The following THTPA variants were observed in gnomAD, a reference collection of about 807,000 sequenced individuals.
THTPA encodes the protein thiamine triphosphatase, also known as thiamine-triphosphatase.
Under a neutral mutation model 16.5 loss-of-function variants are expected in THTPA, and 16 were observed. The ratio of observed to expected loss-of-function variants is 0.97; its 90% CI spans 0.66 to 1.47. The LOEUF (loss-of-function observed/expected upper bound fraction) is 1.47. Ranked by LOEUF, THTPA falls within the 40% of genes most tolerant of loss-of-function variation. THTPA has a pLI of 0.00. For missense variants in THTPA, 281 were observed against 280.9 expected (o/e 1.00, Z 0.00); for synonymous variants, 110 against 115.5 (o/e 0.95, Z 0.30).
the THTPA span, among the ~76,000 whole-genome samples, chr14:23,550,867 C>T: frequency 1.3e-5 from 2 of 152,214 alleles, no homozygotes; most frequent in East Asian, 3.9e-4. Flanking sequence ...ATCAGCCCGC[C>T]GGCCGCGGTT....
chr14:23,559,186 T>G lies in THTPA; in HGVS notation c.*346T>G, dbSNP rs1265645787. On this transcript the variant is annotated 3_prime_UTR_variant, in exon 2 of 2. Coordinates refer to ENST00000288014, the MANE Select transcript of THTPA (RefSeq NM_024328.6). ...CTCCCTTGGTCGATGCCATTGATTC[T>G]GCCAGCGGCTCCTAAACCGCCTTAC... The G allele has an allele frequency of 3.9e-6, 1 of 258,940 alleles. No individual in the cohort carries two copies. Among genetic ancestry groups the G allele is most frequent in the African/African-American group, 2.2e-5 (1 of 44,610 alleles). The allele number at this position is 258,940 out of a possible 1,614,324, so 16.0% of individuals were successfully genotyped here. A position where few individuals can be genotyped will look rare whatever the true frequency, so the allele number is the denominator to read the frequency against.
At chr14:23,520,458 A>G in the THTPA span, among the ~76,000 whole-genome samples, 2 of 152,168 alleles carry the variant, frequency 1.3e-5, no homozygotes, top group African/African-American at 4.8e-5. The surrounding 1 kb of genome is among the most constrained non-coding windows in gnomAD (Gnocchi z 8.7). Context: ...AGGAGATGAA[A>G]GAGAAGCAGA....
the THTPA span, chr14:23,530,947 T>C: frequency 5.8e-6 from 1 of 173,028 alleles, no homozygotes; most frequent in Non-Finnish European, 1.2e-5. Flanking sequence ...TGGCTGGCTG[T>C]TCCCGGCCTC....
At chr14:23,517,687 G>GGT in the THTPA span, among the ~76,000 whole-genome samples, 9 of 152,160 alleles carry the variant, frequency 5.9e-5, no homozygotes, top group Admixed American at 4.6e-4. Context: ...CTCCCCATCG[G>GGT]GTGTGTGTGT....
At chr14:23,535,134 G>T in the THTPA span, 8 of 1,536,020 alleles carry the variant, frequency 5.2e-6, no homozygotes, top group Non-Finnish European at 7.0e-6. This position sits in a 1 kb window ranked among gnomAD's most constrained non-coding sequence, Gnocchi z 4.5. Flanking sequence ...CGAGGCCACA[G>T]CCCGACTCCA....
At chr14:23,526,893 G>A in the THTPA span, 9 of 1,534,128 alleles carry the variant, frequency 5.9e-6, no homozygotes, top group African/African-American at 1.1e-4. Flanking sequence ...CATGAGTGGG[G>A]GGTTCTTGGC....
rs558649189 is a variant in THTPA, at chr14:23,559,591, T to C, written c.*751T>C. On this transcript the variant is annotated 3_prime_UTR_variant, in exon 2 of 2. Coordinates refer to ENST00000288014, the MANE Select transcript of THTPA (RefSeq NM_024328.6). ...ATGGCTTTCCTCACTTCTCAGGCTT[T>C]ATTGGGCTTTATTTGTGGGAGAAGG... 1.5e-6 allele frequency: 1 copy of C among 645,482 alleles called. No homozygotes were observed. The highest frequency in any genetic ancestry group is 2.8e-5 in the East Asian group (1 of 36,182). The allele number at this position is 645,482 out of a possible 1,614,324, so 40.0% of individuals were successfully genotyped here. A position where few individuals can be genotyped will look rare whatever the true frequency, so the allele number is the denominator to read the frequency against.
At chr14:23,524,736 G>C in the THTPA span, 8 of 1,536,232 alleles carry the variant, frequency 5.2e-6, no homozygotes, top group African/African-American at 1.1e-4. This position sits in a 1 kb window ranked among gnomAD's most constrained non-coding sequence, Gnocchi z 5.6. Flanking sequence ...GGAGGCTCTG[G>C]TAATGGGCCC....
the THTPA span, chr14:23,521,177 G>A: frequency 1.3e-5 from 2 of 152,502 alleles, no homozygotes; most frequent in Non-Finnish European, 1.5e-5. Context: ...GCAAGGTAGG[G>A]ATTGGCAGAG....
At chr14:23,532,245 C>A in the THTPA span, 1 of 251,410 alleles carries the variant, frequency 4.0e-6, no homozygotes. Flanking sequence ...GACTCCCTCC[C>A]AGCATGCAAA....
At chr14:23,521,844 C>T in the THTPA span, 5 of 1,476,212 alleles carry the variant, frequency 3.4e-6, no homozygotes, top group Non-Finnish European at 4.5e-6. Context: ...CTGAACAGTT[C>T]CTGTGAGGTG....
chr14:23,556,646 A>G lies in THTPA; in HGVS notation c.-112A>G, dbSNP rs1000577393. 6 of 1,154,892 alleles carry G rather than the reference A, an allele frequency of 5.2e-6. No individual in the cohort carries two copies. Among genetic ancestry groups the G allele is most frequent in the East Asian group, 2.6e-5 (1 of 39,006 alleles). The allele number at this position is 1,154,892 out of a possible 1,614,324, so 71.5% of individuals were successfully genotyped here. On this transcript the variant is annotated 5_prime_UTR_variant, in exon 1 of 2. Coordinates refer to ENST00000288014, the MANE Select transcript of THTPA (RefSeq NM_024328.6). ...ACTATTGCGACACAGTGTGCCCCTC[A>G]TAAGTTTTTCCAGGGAGGGGTTCTG...
the THTPA span, chr14:23,534,350 G>C: frequency 2.8e-5 from 43 of 1,536,588 alleles, no homozygotes; most frequent in Non-Finnish European, 3.6e-5. The surrounding 1 kb of genome is among the most constrained non-coding windows in gnomAD (Gnocchi z 4.5). Flanking sequence ...TCTGCCTCAG[G>C]GGGGCCATCC....
At chr14:23,525,369 T>C in the THTPA span, 1 of 1,536,052 alleles carries the variant, frequency 6.5e-7, no homozygotes, top group Non-Finnish European at 8.7e-7. The surrounding 1 kb of genome is among the most constrained non-coding windows in gnomAD (Gnocchi z 5.9). Context: ...GGGTATAGGC[T>C]GTCATAGCTC....
At position 23,560,255 on chromosome 14, in the gene THTPA, C is replaced by T. The variant is rs1411051575; in HGVS notation, c.*1415C>T. On this transcript the variant is annotated 3_prime_UTR_variant, in exon 2 of 2. Coordinates refer to ENST00000288014, the MANE Select transcript of THTPA (RefSeq NM_024328.6). ...CCTCTGAACTCTGATCTTTACAAAC[C>T]TTGGGCACAGCAGCCTGGCAGATGA... The T allele has an allele frequency of 1.2e-6, 2 of 1,613,176 alleles. No individual in the cohort carries two copies. Among genetic ancestry groups the T allele is most frequent in the Non-Finnish European group, 1.7e-6 (2 of 1,179,978 alleles).
chr14:23,555,455 T>G (rs1882285701), upstream of THTPA, among the ~76,000 whole-genome samples: 1 of 152,228 alleles, frequency 6.6e-6, no homozygotes, highest in South Asian at 2.1e-4. Flanking sequence ...CCAGGTGCTC[T>G]CCAGTTTCTG....
At chr14:23,520,086 T>C in the THTPA span, among the ~76,000 whole-genome samples, 1 of 152,180 alleles carries the variant, frequency 6.6e-6, no homozygotes, top group Admixed American at 6.5e-5. This position sits in a 1 kb window ranked among gnomAD's most constrained non-coding sequence, Gnocchi z 8.7. Flanking sequence ...ACAGAAACCA[T>C]TTGCCTAGGG....
At chr14:23,545,467 T>G in the THTPA span, among the ~76,000 whole-genome samples, 3 of 152,340 alleles carry the variant, frequency 2.0e-5, no homozygotes, top group African/African-American at 7.2e-5. Context: ...CATCTCTCTG[T>G]GCTCTCTCCC....
the THTPA span, among the ~76,000 whole-genome samples, chr14:23,520,152 A>C: frequency 5.3e-5 from 8 of 152,116 alleles, no homozygotes; most frequent in Non-Finnish European, 1.0e-4. The surrounding 1 kb of genome is among the most constrained non-coding windows in gnomAD (Gnocchi z 8.7). Flanking sequence ...ACCCTATCAA[A>C]GATTGACCTG....
Sources: allele counts gnomAD v4.1 joint callset (sites outside exome capture counted in the v4.1 genomes callset), GRCh38; gene constraint gnomAD v4.1.1; non-coding constraint Gnocchi (gnomAD v3.1); transcripts MANE v1.5; gene names NCBI Gene and HGNC (gene_info 2026-07-23, HGNC 2026-07-21).